The following SEC23A variants were observed in gnomAD, a reference collection of about 807,000 sequenced individuals.
The protein encoded by SEC23A is SEC23 homolog A, COPII component, also known as protein transport protein Sec23A.
SEC23A carries 56 observed loss-of-function variants against 103.7 expected under a neutral mutation model. The ratio of observed to expected loss-of-function variants is 0.54; its 90% CI spans 0.44 to 0.67. The LOEUF (loss-of-function observed/expected upper bound fraction) is 0.67, where lower values mean the gene tolerates loss of function less well. Among genes scored for constraint, SEC23A ranks in the 30% least tolerant of loss-of-function variants. The pLI is 0.00. For missense variants in SEC23A, 784 were observed against 936.4 expected (o/e 0.84, Z 2.12); for synonymous variants, 281 against 293.0 (o/e 0.96, Z 0.42).
intron 1 of SEC23A, among the ~76,000 whole-genome samples, chr14:39,098,061 C>G (rs1255048898): frequency 6.6e-6 from 1 of 151,864 alleles, no homozygotes; most frequent in Non-Finnish European, 1.5e-5. Flanking sequence ...TGCACTCCAG[C>G]CTGGGCGACA....
At chr14:39,036,772 C>T (rs1262917330) in intron 19 of SEC23A, among the ~76,000 whole-genome samples, 1 of 152,176 alleles carries the variant, frequency 6.6e-6, no homozygotes, top group African/African-American at 2.4e-5. Context: ...AATCATCTGC[C>T]TATCCTACTG....
At chr14:39,089,949 CTT>C (rs1304879061) in intron 5 of SEC23A, among the ~76,000 whole-genome samples, 6 of 152,312 alleles carry the variant, frequency 3.9e-5, no homozygotes, top group Non-Finnish European at 7.4e-5. Context: ...GAGCGAGACT[CTT>C]GTCTCAGAAG....
intron 16 of SEC23A, 95 bp downstream of exon 16, chr14:39,045,068 T>A: frequency 9.7e-7 from 1 of 1,030,228 alleles, no homozygotes. Flanking sequence ...AATTCTTATA[T>A]TTAGTAACTA....
At chr14:39,056,073 C>G (rs369932756) in intron 13 of SEC23A, among the ~76,000 whole-genome samples, 8 of 152,240 alleles carry the variant, frequency 5.3e-5, no homozygotes, top group African/African-American at 9.7e-5. Context: ...GAACCTGTCA[C>G]AGTTTAATTA....
intron 1 of SEC23A, among the ~76,000 whole-genome samples, chr14:39,097,397 T>C (rs1887924273): frequency 6.6e-6 from 1 of 152,180 alleles, no homozygotes; most frequent in East Asian, 1.9e-4. Context: ...ACTGTGAACC[T>C]AGGGTGCCTG....
rs751898702 is a variant in SEC23A at position 39,067,262 on chromosome 14, A to T, written c.1138T>A (p.Ser380Thr). 1.4e-5 allele frequency: 22 copies of T among 1,613,552 alleles called. 1 individual carries two copies. The Admixed American group carries it at 3.7e-4, about 27-fold the overall frequency. Reference protein sequence around the residue: ...YMVMGDSFNTSLFKQTFQRVF... With the variant: ...YMVMGDSFNTTLFKQTFQRVF... ...CTTTGAAAAGTTTGTTTGAATAAGG[A>T]AGTATTGAAAGAATCACCCATTACC... Residue 380 changes from serine (S) to threonine (T), a missense_variant, in exon 10 of 20, where the codon TCC (serine) becomes ACC (threonine). Physicochemically the swap from Ser to Thr is moderately conservative, Grantham distance 58 (BLOSUM62 1). This residue lies in a region of SEC23A where 683 missense variants were observed against 774.2 expected (regional missense o/e 0.88). Transcript: ENST00000307712.
chr14:39,080,183 T>C (rs1486271874), intron 7 of SEC23A, among the ~76,000 whole-genome samples: 1 of 152,086 alleles, frequency 6.6e-6, no homozygotes, highest in Non-Finnish European at 1.5e-5. Flanking sequence ...CATGCTCTCA[T>C]TGCAATTCTC....
At chr14:39,076,453 A>G (rs1470713301) in intron 7 of SEC23A, among the ~76,000 whole-genome samples, 1 of 142,680 alleles carries the variant, frequency 7.0e-6, no homozygotes, top group Non-Finnish European at 1.5e-5. Context: ...TTTTTTTTAG[A>G]GACAAGGTCT....
chr14:39,047,558 C>T, intron 15 of SEC23A: 1 of 300,778 alleles, frequency 3.3e-6, no homozygotes, highest in Non-Finnish European at 6.0e-6. Flanking sequence ...ATGCTTTAAA[C>T]AAAGTTCTCA....
At chr14:39,092,956 C>T (rs1156920272) in intron 3 of SEC23A, 4 of 481,252 alleles carry the variant, frequency 8.3e-6, no homozygotes, top group South Asian at 2.3e-5. Context: ...CTCCACCTCC[C>T]GGGTTCATGC....
chr14:39,081,219 A>C (rs1404198309), intron 7 of SEC23A, among the ~76,000 whole-genome samples: 1 of 151,996 alleles, frequency 6.6e-6, no homozygotes, highest in Non-Finnish European at 1.5e-5. Context: ...AAAAAAAAAA[A>C]AACACACACA....
chr14:39,041,019 T>A, intron 17 of SEC23A, 132 bp from the exon 18 acceptor site: 1 of 958,246 alleles, frequency 1.0e-6, no homozygotes, highest in Non-Finnish European at 1.4e-6. Flanking sequence ...CTCAATTTTT[T>A]AAAAGTTACA....
At position 39,075,964 on chromosome 14, in the gene SEC23A, T is replaced by C; in HGVS notation, c.958A>G (p.Asn320Asp). ...GTTCCCTTTTTAACATATTTGGCAT[T>C]GTCTTTGTCAATGTCATGCCACGAT... ...IRSWHDIDKD[N>D]AKYVKKGTKH... Residue 320 changes from asparagine to aspartate, a missense_variant, in exon 8 of 20, where the codon AAT becomes GAT. Physicochemically the swap from Asn to Asp is conservative, Grantham distance 23 (BLOSUM62 1). Transcript: ENST00000307712. 1 of 1,614,076 alleles carries C rather than the reference T, an allele frequency of 6.2e-7. No individual in the cohort carries two copies. The highest frequency in any genetic ancestry group is 8.5e-7 in the Non-Finnish European group (1 of 1,179,980).
chr14:39,075,747 A>G (rs985564175), intron 8 of SEC23A, among the ~76,000 whole-genome samples, 188 bp downstream of exon 8: 2 of 152,246 alleles, frequency 1.3e-5, no homozygotes, highest in Admixed American at 1.3e-4. Context: ...AAGTGTTTAA[A>G]TATTTCAAAC....
At chr14:39,034,940 G>A (rs1208860338) in intron 19 of SEC23A, among the ~76,000 whole-genome samples, 1 of 152,024 alleles carries the variant, frequency 6.6e-6, no homozygotes, top group African/African-American at 2.4e-5. Flanking sequence ...CTTGATTTCT[G>A]ACCCCCAAAA....
At position 39,045,268 on chromosome 14, in the gene SEC23A, A is replaced by G; in HGVS notation, c.1794T>C (p.Asp598=). The change falls in exon 16 of 20, where the codon GAT becomes GAC. Residue 598 remains aspartate, a synonymous_variant. Coordinates refer to ENST00000307712, the MANE Select transcript of SEC23A (RefSeq NM_006364.4). ...SFLQVFNNSP[D]ESSYYRHHFM... ...AATGGTGACGATAATATGAACTCTC[A>G]TCAGGACTATTGTTAAAAACTTGCA... The G allele has an allele frequency of 6.2e-7, 1 of 1,611,734 alleles. No individual in the cohort carries two copies. The highest frequency in any genetic ancestry group is 1.1e-5 in the South Asian group (1 of 91,020).
intron 7 of SEC23A, among the ~76,000 whole-genome samples, chr14:39,080,895 T>G (rs1404628014): frequency 6.6e-6 from 1 of 151,970 alleles, no homozygotes; most frequent in Non-Finnish European, 1.5e-5. Flanking sequence ...CCTCAAGACC[T>G]TGAAGCAAAA....
chr14:39,047,507 C>CA (rs1331445862), intron 15 of SEC23A: 9 of 688,692 alleles, frequency 1.3e-5, no homozygotes, highest in Admixed American at 4.1e-5. Context: ...AAAACAACAA[C>CA]AACAAAAAAA....
At chr14:39,084,764 G>A (rs1887370093) in intron 7 of SEC23A, among the ~76,000 whole-genome samples, 1 of 152,150 alleles carries the variant, frequency 6.6e-6, no homozygotes, top group Non-Finnish European at 1.5e-5. Flanking sequence ...CCGCCTCTTG[G>A]GTTCAAGCAA....
Sources: gnomAD v4.1 joint callset for allele counts (sites outside exome capture counted in the v4.1 genomes callset) on GRCh38, gnomAD v4.1.1 for gene constraint, gnomAD v4.1.1 regional missense constraint, MANE v1.5 for transcripts, NCBI Gene and HGNC (gene_info 2026-07-23, HGNC 2026-07-21) for gene names.